Variants in RBM44 observed in about 807,000 individuals in gnomAD.
RBM44 encodes RNA-binding protein 44.
RBM44 carries 66 observed loss-of-function variants against 105.1 expected under a neutral mutation model. The observed-to-expected ratio is 0.63, with a 90% CI of 0.52 to 0.77. The LOEUF (loss-of-function observed/expected upper bound fraction) is 0.77. RBM44 is among the 30% of genes least tolerant of loss of function. The probability of loss-of-function intolerance (pLI) is 0.00; values close to 1 mark genes in which losing one functional copy is unlikely to be tolerated. For synonymous variants in RBM44, 365 were observed against 417.6 expected (o/e 0.87, Z 1.54); for missense variants, 1,122 against 1,207.8 (o/e 0.93, Z 1.05).
intron 1 of RBM44, chr2:237,799,284 G>T (rs111506037): frequency 0.023 from 3,487 of 152,470 alleles, 108 homozygotes; most frequent in African/African-American, 0.069. Flanking sequence ...GTACTCAGGC[G>T]TGTGTGCCCC....
intron 1 of RBM44, among the ~76,000 whole-genome samples, chr2:237,807,077 G>A (rs1282187116): frequency 1.3e-5 from 2 of 152,052 alleles, no homozygotes; most frequent in African/African-American, 4.8e-5. Context: ...CTTCATTTAA[G>A]TTTTTAATAA....
intron 12 of RBM44, among the ~76,000 whole-genome samples, chr2:237,828,449 A>C (rs1376111516): frequency 1.3e-5 from 2 of 152,166 alleles, no homozygotes; most frequent in African/African-American, 4.8e-5. Flanking sequence ...CTTGATGTGA[A>C]AACTCTTTTA....
intron 1 of RBM44, among the ~76,000 whole-genome samples, chr2:237,808,333 C>G (rs1456569888): frequency 2.0e-5 from 3 of 151,952 alleles, no homozygotes; most frequent in African/African-American, 7.3e-5. Flanking sequence ...ACCTGTAGTC[C>G]TAGCTACTAG....
chr2:237,820,386 A>C (rs761832552), intron 5 of RBM44, 35 bp downstream of exon 5: 14 of 1,288,714 alleles, frequency 1.1e-5, no homozygotes, highest in Admixed American at 4.6e-5. Flanking sequence ...TTTTCTTAGA[A>C]ATGTGTCACT....
At chr2:237,815,914 C>T (rs181402722) in intron 2 of RBM44, among the ~76,000 whole-genome samples, 18 of 152,170 alleles carry the variant, frequency 1.2e-4, no homozygotes, top group Middle Eastern at 6.8e-3. Flanking sequence ...GACTACAACT[C>T]AATTCCAGTC....
intron 13 of RBM44, 146 bp downstream of exon 13, chr2:237,829,648 A>G: frequency 1.4e-6 from 1 of 732,232 alleles, no homozygotes; most frequent in South Asian, 2.2e-5. Flanking sequence ...AATCCACCTC[A>G]ACCTGCTTTT....
chr2:237,818,505 A>G lies in RBM44; in HGVS notation c.1586A>G (p.Asp529Gly). 6.2e-7 allele frequency: 1 copy of G among 1,611,538 alleles called. No individual in the cohort carries two copies. Among genetic ancestry groups the G allele is most frequent in the African/African-American group, 1.3e-5 (1 of 74,986 alleles). ...AGTACAGATTGGTCATACAGTGAAG[A>G]TTGTATAGATACACAGATGGCTATA... Reference protein sequence around the residue: ...ACSTDWSYSEDCIDTQMAITK... With the variant: ...ACSTDWSYSEGCIDTQMAITK... The change falls in exon 3 of 16, where the codon GAT (aspartate) becomes GGT (glycine). Residue 529 changes from aspartate (D) to glycine (G), a missense_variant. Around this residue, in one of 3 missense-constraint regions of RBM44, gnomAD observed 918 missense variants for 955.3 expected, o/e 0.96. Coordinates refer to ENST00000316997, the MANE Select transcript of RBM44 (RefSeq NM_001080504.3). This position sits in a 1 kb window ranked among gnomAD's most constrained non-coding sequence, Gnocchi z 4.6.
intron 12 of RBM44, among the ~76,000 whole-genome samples, chr2:237,828,657 C>T (rs1257292169): frequency 2.0e-5 from 3 of 152,060 alleles, no homozygotes; most frequent in Non-Finnish European, 4.4e-5. Context: ...CTGTCTAGGG[C>T]TGATGATTTT....
rs138983679 is a variant in RBM44 at position 237,824,496 on chromosome 2, G to A, written c.2449+77G>A. 3.3e-4 allele frequency: 379 copies of A among 1,156,624 alleles called. 1 individual carries two copies. In the African/African-American group the frequency reaches 4.1e-3, roughly 12 times the overall value. The allele number at this position is 1,156,624 out of a possible 1,614,324, so 71.6% of individuals were successfully genotyped here. On this transcript the variant is annotated intron_variant, in intron 10 of 15. Transcript: ENST00000316997. ...TAGTGCTTACCTGCTTCTGTGTTGT[G>A]TTGGGCAACTGAGTTGTTTTAATAT...
At chr2:237,808,423 C>A (rs1333387574) in intron 1 of RBM44, among the ~76,000 whole-genome samples, 2 of 151,586 alleles carry the variant, frequency 1.3e-5, no homozygotes, top group African/African-American at 4.9e-5. Context: ...GCACTCCAGC[C>A]TGGGTGACAG....
chr2:237,802,396 C>G (rs1204567107), intron 1 of RBM44, among the ~76,000 whole-genome samples: 2 of 152,162 alleles, frequency 1.3e-5, no homozygotes, highest in African/African-American at 4.8e-5. Flanking sequence ...TAACTAATGC[C>G]TGATGATCTG....
intron 15 of RBM44, among the ~76,000 whole-genome samples, chr2:237,836,428 T>A (rs2150991094): frequency 6.6e-6 from 1 of 152,244 alleles, no homozygotes; most frequent in South Asian, 2.1e-4. Flanking sequence ...TGCCTCAGTC[T>A]CCTAAGTGCT....
chr2:237,802,358 T>A lies in RBM44; in HGVS notation c.-19+3497T>A, dbSNP rs1413442371. On this transcript the variant is annotated intron_variant, in intron 1 of 15. Coordinates refer to ENST00000316997, the MANE Select transcript of RBM44 (RefSeq NM_001080504.3). ...TGTTGTGAACTGTGCATGTGAGGGA[T>A]CTAGGTTTCGTGCTACCTATGAGAA... 2.6e-5 allele frequency among the ~76,000 whole-genome samples: 4 copies of A among 152,308 alleles called. No homozygotes were observed. The East Asian group carries it at 7.7e-4, about 29-fold the overall frequency.
chr2:237,837,766 C>A (rs2061974278), intron 15 of RBM44, among the ~76,000 whole-genome samples: 1 of 147,124 alleles, frequency 6.8e-6, no homozygotes, highest in African/African-American at 2.4e-5. Flanking sequence ...CACTCAGCCT[C>A]CCAAAGTGCT....
In RBM44 at chr2:237,803,359, ACT is replaced by A. The variant is rs904004768; in HGVS notation, c.-19+4500_-19+4501del. Among the ~76,000 whole-genome samples the A allele has an allele frequency of 3.0e-5, 4 of 132,270 alleles. No homozygotes were observed. Among genetic ancestry groups the A allele is most frequent in the African/African-American group, 8.3e-5 (3 of 36,106 alleles). 86.8% of individuals were successfully genotyped at this position (132,270 alleles called of 152,430 possible). ...CACACACACACATACTTTCTCTCTC[ACT>A]CACACACACACACACAAATTTTAAG... On this transcript the variant is annotated intron_variant, in intron 1 of 15. Transcript: ENST00000316997. The surrounding 1 kb of genome is among the most constrained non-coding windows in gnomAD (Gnocchi z 4.2).
chr2:237,819,061 A>C, intron 4 of RBM44, 102 bp downstream of exon 4: 1 of 515,192 alleles, frequency 1.9e-6, no homozygotes, highest in Non-Finnish European at 3.4e-6. Flanking sequence ...AATAGCTAAA[A>C]TGGACTTTAA....
chr2:237,799,768 C>T lies in RBM44; in HGVS notation c.-19+907C>T, dbSNP rs76848140. 7.0e-4 allele frequency among the ~76,000 whole-genome samples: 107 copies of T among 152,186 alleles called. No homozygotes were observed. The East Asian group carries it at 0.016, about 22-fold the overall frequency. On this transcript the variant is annotated intron_variant, in intron 1 of 15. Transcript: ENST00000316997. ...TCCGTTGCTGAGTTTTAAGCAGGAG[C>T]GTAACTGATTCGATAAGCATTTTAG...
intron 1 of RBM44, among the ~76,000 whole-genome samples, chr2:237,801,090 C>G (rs1205068519): frequency 3.3e-5 from 5 of 152,160 alleles, no homozygotes; most frequent in African/African-American, 7.2e-5. Flanking sequence ...AATCCCAACA[C>G]TTTGAAAGGC....
rs746431488 is a variant in RBM44 at position 237,824,358 on chromosome 2, C to T, written c.2388C>T (p.Asp796=). ...SDAKESLTGV[D]VSGTQGNQVE... is the part of the protein sequence containing the mutation. Reference sequence around the variant, plus strand: ...CTAAAGAGAGCCTGACAGGAGTTGACGTCTCAGGGACACAGGGAAATCAAG... The same window carrying T: ...CTAAAGAGAGCCTGACAGGAGTTGATGTCTCAGGGACACAGGGAAATCAAG... Residue 796 remains aspartate, a synonymous_variant, in exon 10 of 16, where the codon GAC becomes GAT. Coordinates refer to ENST00000316997, the MANE Select transcript of RBM44 (RefSeq NM_001080504.3). 2.7e-5 allele frequency: 44 copies of T among 1,612,416 alleles called. No homozygotes were observed. In the East Asian group the frequency reaches 3.8e-4, roughly 14 times the overall value.
Sources: gnomAD v4.1 joint callset for allele counts (sites outside exome capture counted in the v4.1 genomes callset) on GRCh38, gnomAD v4.1.1 for gene constraint, gnomAD v4.1.1 regional missense constraint, Gnocchi (gnomAD v3.1) non-coding constraint, MANE v1.5 for transcripts, NCBI Gene and HGNC (gene_info 2026-07-23, HGNC 2026-07-21) for gene names.